The following DHX8 variants were observed in gnomAD, a reference collection of about 807,000 sequenced individuals.
DHX8 encodes the protein ATP-dependent RNA helicase DHX8.
A neutral mutation model predicts 140.7 loss-of-function variants in DHX8; 67 were observed. The ratio of observed to expected loss-of-function variants is 0.48; its 90% CI spans 0.39 to 0.58. The LOEUF is 0.58. Ranked by LOEUF, DHX8 falls within the 20% of genes least tolerant of loss-of-function variation. The pLI, the probability that DHX8 is intolerant of heterozygous loss-of-function variation, is 0.00. For synonymous variants in DHX8, 533 were observed against 553.2 expected (o/e 0.96, Z 0.51); for missense variants, 887 against 1,550.7 (o/e 0.57, Z 7.19).
At chr17:43,523,077 AAAG>A (rs1227120974) in intron 22 of DHX8, among the ~76,000 whole-genome samples, 17 of 151,708 alleles carry the variant, frequency 1.1e-4, no homozygotes, top group Admixed American at 7.2e-4. Flanking sequence ...AAAAAAAAAA[AAAG>A]AAAGAAAAAA....
In DHX8 at chr17:43,507,716, C is replaced by T. The variant is rs750336437; in HGVS notation, c.2109+28C>T. ...AACTAGATGCTCTTTAATGACCCCT[C>T]TACCTGTTGGAAGCTGAATTCTGGC... On this transcript the variant is annotated intron_variant, in intron 14 of 22. Transcript: ENST00000262415. 10 of 1,612,740 alleles carry T rather than the reference C, an allele frequency of 6.2e-6. No individual in the cohort carries two copies. The African/African-American group carries it at 1.1e-4, about 17-fold the overall frequency.
intron 1 of DHX8, among the ~76,000 whole-genome samples, chr17:43,486,034 T>TA (rs35136855): frequency 0.016 from 2,375 of 145,048 alleles, 64 homozygotes; most frequent in African/African-American, 0.056. Context: ...CCATTTCTAC[T>TA]AAAAAAAAAA....
chr17:43,496,657 A>G (rs1374016589), intron 9 of DHX8, among the ~76,000 whole-genome samples: 2 of 151,928 alleles, frequency 1.3e-5, no homozygotes, highest in African/African-American at 4.8e-5. Flanking sequence ...GCGCATGCCT[A>G]TCGTCCCAGC....
chr17:43,506,381 G>A (rs895293474), intron 12 of DHX8, among the ~76,000 whole-genome samples: 2 of 151,556 alleles, frequency 1.3e-5, no homozygotes, highest in Non-Finnish European at 2.9e-5. Context: ...TACTTTGGGA[G>A]GCCAAGGCGG....
chr17:43,494,956 C>T lies in DHX8; in HGVS notation c.1212+1070C>T, dbSNP rs541436602. 1.5e-3 allele frequency among the ~76,000 whole-genome samples: 219 copies of T among 150,512 alleles called. 1 individual carries two copies. The highest frequency in any genetic ancestry group is 4.7e-3 in the African/African-American group (192 of 41,232). On this transcript the variant is annotated intron_variant, in intron 8 of 22. Coordinates refer to ENST00000262415, the MANE Select transcript of DHX8 (RefSeq NM_004941.3). ...CCTCCCGAGTAGCTGGGATTACAGGCGCCCACCACCACGCCCGGCTAATTT... is the reference window on the plus strand; with the variant it reads ...CCTCCCGAGTAGCTGGGATTACAGGTGCCCACCACCACGCCCGGCTAATTT...
chr17:43,485,171 A>G (rs1018285909), intron 1 of DHX8, among the ~76,000 whole-genome samples: 1 of 152,192 alleles, frequency 6.6e-6, no homozygotes, highest in Non-Finnish European at 1.5e-5. Context: ...CAGAGAATAC[A>G]GTTGCAGATT....
chr17:43,528,234 G>T, downstream of DHX8: 1 of 357,084 alleles, frequency 2.8e-6, no homozygotes, highest in Non-Finnish European at 5.1e-6. Flanking sequence ...TTGGGGAAAA[G>T]GTGTGGGGGG....
chr17:43,536,861 C>T (rs937783829), intron 3 of DHX8, among the ~76,000 whole-genome samples: 3 of 152,248 alleles, frequency 2.0e-5, no homozygotes, highest in Admixed American at 2.0e-4. Context: ...CTCTGGGCTC[C>T]ACTAAGACCC....
At chr17:43,513,118 G>A (rs2154586760) in intron 16 of DHX8, among the ~76,000 whole-genome samples, 1 of 152,132 alleles carries the variant, frequency 6.6e-6, no homozygotes, top group South Asian at 2.1e-4. Flanking sequence ...GGCTTTTATT[G>A]GCTGTAGCTT....
chr17:43,493,442 C>T lies in DHX8; in HGVS notation c.864-3C>T. Reference sequence around the variant, plus strand: ...GTTCCAGATGTGTCTGGCTCTCCCTCAGGAAGCGGTGGGAAGGCCTGGTGC... The same window carrying T: ...GTTCCAGATGTGTCTGGCTCTCCCTTAGGAAGCGGTGGGAAGGCCTGGTGC... On this transcript the variant is annotated splice_polypyrimidine_tract_variant and splice_region_variant and intron_variant, in intron 6 of 22. Coordinates refer to ENST00000262415, the MANE Select transcript of DHX8 (RefSeq NM_004941.3). 6.2e-7 allele frequency: 1 copy of T among 1,613,986 alleles called. No individual in the cohort carries two copies. Among genetic ancestry groups the T allele is most frequent in the Non-Finnish European group, 8.5e-7 (1 of 1,179,972 alleles).
In DHX8 at chr17:43,492,792, C is replaced by T. The variant is rs776601797; in HGVS notation, c.615C>T (p.Arg205=). ...ACCACAAGCGGAGACACCGATCCCG[C>T]TCTCGATCACGTTCCAGGACCCGGG... ...DRDHKRRHRS[R]SRSRSRTRER... The change falls in exon 6 of 23, where the codon CGC becomes CGT. Residue 205 remains arginine (R), a synonymous_variant. Coordinates refer to ENST00000262415, the MANE Select transcript of DHX8 (RefSeq NM_004941.3). 2.9e-5 allele frequency: 46 copies of T among 1,614,018 alleles called. No homozygotes were observed. Among genetic ancestry groups the T allele is most frequent in the Non-Finnish European group, 3.9e-5 (46 of 1,180,022 alleles).
chr17:43,495,228 TCCA>T (rs1394090105), intron 8 of DHX8, among the ~76,000 whole-genome samples: 1 of 152,160 alleles, frequency 6.6e-6, no homozygotes, highest in Non-Finnish European at 1.5e-5. Context: ...GAACTCAAAG[TCCA>T]GCAGAGGAGA....
intron 1 of DHX8, among the ~76,000 whole-genome samples, chr17:43,489,193 C>T (rs779599782): frequency 3.3e-5 from 5 of 151,922 alleles, no homozygotes; most frequent in African/African-American, 4.8e-5. Flanking sequence ...TTAATAGAGA[C>T]GGGGTTTCAC....
chr17:43,523,291 C>G (rs1217036632), intron 22 of DHX8, among the ~76,000 whole-genome samples: 1 of 152,124 alleles, frequency 6.6e-6, no homozygotes, highest in South Asian at 2.1e-4. Context: ...CTTCAGAGCC[C>G]TAGAATTCTG....
chr17:43,534,581 G>A (rs1270099422), intron 2 of DHX8, among the ~76,000 whole-genome samples: 2 of 152,204 alleles, frequency 1.3e-5, no homozygotes, highest in Non-Finnish European at 1.5e-5. Context: ...CCTAGGGCCT[G>A]TAGTTTTCCT....
intron 12 of DHX8, among the ~76,000 whole-genome samples, chr17:43,505,129 G>C (rs1196878631): frequency 6.6e-6 from 1 of 152,132 alleles, no homozygotes; most frequent in Non-Finnish European, 1.5e-5. Context: ...TAAAAAATTT[G>C]GTGGGGCGTG....
At chr17:43,502,527 C>T (rs1461113378) in intron 11 of DHX8, among the ~76,000 whole-genome samples, 2 of 152,096 alleles carry the variant, frequency 1.3e-5, no homozygotes, top group East Asian at 1.9e-4. Context: ...TGGGTTCAAG[C>T]GATTCTCCTG....
At chr17:43,499,832 G>C in intron 10 of DHX8, 124 bp from the exon 11 acceptor site, 1 of 1,031,438 alleles carries the variant, frequency 9.7e-7, no homozygotes, top group Non-Finnish European at 1.4e-6. Flanking sequence ...CTTTCATATA[G>C]TCTGTTACAT....
At chr17:43,510,887 G>A (rs546707241) in intron 16 of DHX8, among the ~76,000 whole-genome samples, 22 of 152,230 alleles carry the variant, frequency 1.4e-4, no homozygotes, top group Admixed American at 5.9e-4. Flanking sequence ...CATATTTGTG[G>A]CTGGCTTATT....
Sources: gnomAD v4.1 joint callset for allele counts (sites outside exome capture counted in the v4.1 genomes callset) on GRCh38, gnomAD v4.1.1 for gene constraint, MANE v1.5 for transcripts, NCBI Gene and HGNC (gene_info 2026-07-23, HGNC 2026-07-21) for gene names.